Variants in UEVLD observed in about 807,000 individuals in gnomAD.
The protein encoded by UEVLD is ubiquitin-conjugating enzyme E2 variant 3.
In UEVLD, 47 loss-of-function variants were observed where a neutral mutation model predicts 58.6. The observed-to-expected ratio is 0.80, with a 90% CI of 0.63 to 1.02. UEVLD has a LOEUF of 1.02. UEVLD is among the 50% of genes least tolerant of loss of function. The pLI is 0.00. For missense variants in UEVLD, 510 were observed against 550.6 expected (o/e 0.93, Z 0.74); for synonymous variants, 197 against 195.3 (o/e 1.01, Z -0.07).
At chr11:18,577,999 T>G (rs10832947) in intron 2 of UEVLD, among the ~76,000 whole-genome samples, 2 of 152,084 alleles carry the variant, frequency 1.3e-5, no homozygotes, top group African/African-American at 4.8e-5. Flanking sequence ...CATATACATA[T>G]GATAGGCCGA....
At chr11:18,574,347 G>A (rs558099787) in intron 3 of UEVLD, among the ~76,000 whole-genome samples, 2 of 152,100 alleles carry the variant, frequency 1.3e-5, no homozygotes, top group Admixed American at 6.6e-5. Flanking sequence ...CATGTTGGCC[G>A]GGCTGGTCTT....
chr11:18,558,394 A>G, intron 6 of UEVLD, 64 bp from the exon 7 acceptor site: 1 of 1,117,672 alleles, frequency 8.9e-7, no homozygotes, highest in Non-Finnish European at 1.3e-6. Context: ...AATTCATTCA[A>G]CAATGAGGAC....
rs745559898 is a variant in UEVLD at position 18,547,068 on chromosome 11, A to G, written c.716-18T>C. 1 of 1,606,908 alleles carries G rather than the reference A, an allele frequency of 6.2e-7. No homozygotes were observed. The highest frequency in any genetic ancestry group is 1.3e-5 in the African/African-American group (1 of 74,412). On this transcript the variant is annotated intron_variant, in intron 7 of 11. Coordinates refer to ENST00000396197, the MANE Select transcript of UEVLD (RefSeq NM_001040697.4). ...AGACAAATCTAGTGAATGAAAAGAA[A>G]CAGTCTGAGCTGAAGATACAGGCTT...
At chr11:18,550,807 T>A (rs1851491512) in intron 7 of UEVLD, among the ~76,000 whole-genome samples, 1 of 152,186 alleles carries the variant, frequency 6.6e-6, no homozygotes, top group South Asian at 2.1e-4. Context: ...CTTGCAGCAG[T>A]TCTTAAATGC....
chr11:18,543,475 A>G (rs781207571), intron 9 of UEVLD, among the ~76,000 whole-genome samples: 3 of 152,038 alleles, frequency 2.0e-5, no homozygotes, highest in Non-Finnish European at 4.4e-5. Context: ...TGTTTTTCCT[A>G]TTGTTCACTA....
chr11:18,551,583 AG>A (rs1321217233), intron 7 of UEVLD, among the ~76,000 whole-genome samples: 1 of 152,208 alleles, frequency 6.6e-6, no homozygotes, highest in East Asian at 1.9e-4. Context: ...CACACAATGT[AG>A]TACAAGGGTT....
At chr11:18,567,239 C>T (rs1432200672) in intron 4 of UEVLD, among the ~76,000 whole-genome samples, 1 of 152,178 alleles carries the variant, frequency 6.6e-6, no homozygotes, top group Non-Finnish European at 1.5e-5. Flanking sequence ...TGATGAAATT[C>T]ACTAACCTTT....
chr11:18,572,953 C>T (rs1852705380), intron 3 of UEVLD, among the ~76,000 whole-genome samples: 1 of 152,096 alleles, frequency 6.6e-6, no homozygotes, highest in African/African-American at 2.4e-5. Context: ...CTACTATTGG[C>T]CCATTTTACA....
At chr11:18,585,333 C>A (rs967768289) in intron 1 of UEVLD, among the ~76,000 whole-genome samples, 2 of 152,174 alleles carry the variant, frequency 1.3e-5, no homozygotes, top group Non-Finnish European at 2.9e-5. Flanking sequence ...TTGTCTTTTA[C>A]ATTTAGGTCT....
At chr11:18,569,326 T>C (rs1359266294) in intron 4 of UEVLD, among the ~76,000 whole-genome samples, 1 of 152,212 alleles carries the variant, frequency 6.6e-6, no homozygotes, top group African/African-American at 2.4e-5. Flanking sequence ...TAATACCTTC[T>C]ATTAGAGAAA....
chr11:18,578,874 CTTT>C, intron 1 of UEVLD, 66 bp from the exon 2 acceptor site: 3 of 1,011,664 alleles, frequency 3.0e-6, no homozygotes, highest in Non-Finnish European at 4.2e-6. Context: ...TTGCAGTTAA[CTTT>C]TTTTTTTTGA....
intron 6 of UEVLD, among the ~76,000 whole-genome samples, chr11:18,562,529 G>A (rs964410042): frequency 2.6e-5 from 4 of 151,002 alleles, no homozygotes; most frequent in African/African-American, 9.7e-5. Context: ...GAGACACAGC[G>A]AGACTCCATC....
intron 6 of UEVLD, among the ~76,000 whole-genome samples, chr11:18,561,003 C>T (rs1340452753): frequency 8.1e-6 from 1 of 122,996 alleles, no homozygotes; most frequent in Non-Finnish European, 2.0e-5. Context: ...AGCGGGACTC[C>T]ATCTCAAAAA....
intron 2 of UEVLD, 71 bp from the exon 3 acceptor site, chr11:18,575,483 T>C: frequency 7.1e-7 from 1 of 1,413,896 alleles, no homozygotes; most frequent in Non-Finnish European, 9.7e-7. Flanking sequence ...AGTATGTAAG[T>C]GTGCACATGT....
Position 18,532,243 on chromosome 11 carries a change from TCAA to T in UEVLD, c.*74_*76del. On this transcript the variant is annotated 3_prime_UTR_variant, in exon 12 of 12. Transcript: ENST00000396197. ...AGTAAGTAGCAGGATACAGAAATCC[TCAA>T]ACCTATATATAGGTAAAATTAAATG... 1 of 1,374,044 alleles carries T rather than the reference TCAA, an allele frequency of 7.3e-7. No homozygotes were observed. Among genetic ancestry groups the T allele is most frequent in the Non-Finnish European group, 9.6e-7 (1 of 1,036,362 alleles). 85.1% of individuals were successfully genotyped at this position (1,374,044 alleles called of 1,614,324 possible).
chr11:18,544,909 G>GA, intron 8 of UEVLD, 113 bp from the exon 9 acceptor site: 5 of 606,934 alleles, frequency 8.2e-6, no homozygotes, highest in East Asian at 3.7e-5. Context: ...ATGCACTGAG[G>GA]CATTATATGT....
intron 9 of UEVLD, among the ~76,000 whole-genome samples, chr11:18,542,890 C>CTTTTTTTTTTTTTT (rs890676886): frequency 1.5e-3 from 186 of 125,886 alleles, no homozygotes; most frequent in Non-Finnish European, 2.2e-3. Flanking sequence ...CTTTTCTTTT[C>CTTTTTTTTTTTTTT]TTTTTTTTTT....
At chr11:18,552,971 T>C (rs948982642) in intron 7 of UEVLD, among the ~76,000 whole-genome samples, 13 of 149,914 alleles carry the variant, frequency 8.7e-5, no homozygotes, top group South Asian at 2.2e-4. Flanking sequence ...CTGGCTAACA[T>C]GGTGAAACCC....
intron 7 of UEVLD, among the ~76,000 whole-genome samples, chr11:18,552,161 A>G (rs1851556051): frequency 6.6e-6 from 1 of 152,234 alleles, no homozygotes; most frequent in Admixed American, 6.5e-5. Flanking sequence ...ATTATTTAAT[A>G]TGACCCAAAA....
Sources: gnomAD v4.1 joint callset for allele counts (sites outside exome capture counted in the v4.1 genomes callset) on GRCh38, gnomAD v4.1.1 for gene constraint, MANE v1.5 for transcripts, NCBI Gene and HGNC (gene_info 2026-07-23, HGNC 2026-07-21) for gene names.